Variants in NRG1 observed in about 807,000 individuals in gnomAD.
The protein encoded by NRG1 is neuregulin 1.
A neutral mutation model predicts 63.8 loss-of-function variants in NRG1; 18 were observed. The observed-to-expected ratio is 0.28, with a 90% CI of 0.19 to 0.42. The LOEUF (loss-of-function observed/expected upper bound fraction) is 0.42. Among genes scored for constraint, NRG1 ranks in the 10% least tolerant of loss-of-function variants. The pLI is 1.00. For synonymous variants in NRG1, 302 were observed against 301.3 expected (o/e 1.00, Z -0.02); for missense variants, 762 against 814.7 (o/e 0.94, Z 0.79).
At chr8:31,728,954 C>T (rs1425408019) in intron 1 of NRG1, among the ~76,000 whole-genome samples, 1 of 152,142 alleles carries the variant, frequency 6.6e-6, no homozygotes, top group African/African-American at 2.4e-5. Flanking sequence ...CTGTAAATTC[C>T]ATGTTGACTC....
chr8:32,726,458 G>A (rs915283542), intron 5 of NRG1, among the ~76,000 whole-genome samples: 3 of 152,068 alleles, frequency 2.0e-5, no homozygotes, highest in Non-Finnish European at 4.4e-5. Context: ...AAGCCAGTAG[G>A]AGACAAGACT....
intron 1 of NRG1, among the ~76,000 whole-genome samples, chr8:32,231,368 G>A (rs562439364): frequency 6.6e-6 from 1 of 152,056 alleles, no homozygotes; most frequent in African/African-American, 2.4e-5. Context: ...AGAAATGCAT[G>A]TATTTTGTTA....
chr8:32,396,736 C>T (rs1036801231), intron 1 of NRG1, among the ~76,000 whole-genome samples: 2 of 152,212 alleles, frequency 1.3e-5, no homozygotes, highest in Admixed American at 1.3e-4. Flanking sequence ...GCATGAGCCA[C>T]TGTGCCTGGC....
chr8:32,425,341 A>G (rs1024310646), intron 1 of NRG1, among the ~76,000 whole-genome samples: 2 of 152,126 alleles, frequency 1.3e-5, no homozygotes, highest in African/African-American at 4.8e-5. Context: ...ATCTCTCCAT[A>G]TTGATTTTTT....
At chr8:31,765,184 C>T (rs1817938779) in intron 1 of NRG1, among the ~76,000 whole-genome samples, 1 of 151,994 alleles carries the variant, frequency 6.6e-6, no homozygotes, top group Non-Finnish European at 1.5e-5. Flanking sequence ...TATCTTGTAT[C>T]TTGCAACCTT....
intron 1 of NRG1, among the ~76,000 whole-genome samples, chr8:31,802,283 A>G (rs1455606434): frequency 1.3e-5 from 2 of 152,256 alleles, no homozygotes; most frequent in East Asian, 3.9e-4. Context: ...TTCTGACTTT[A>G]CTTCATGCTA....
intron 1 of NRG1, among the ~76,000 whole-genome samples, chr8:32,512,456 A>C (rs1416423022): frequency 2.0e-5 from 3 of 152,206 alleles, no homozygotes; most frequent in Admixed American, 1.3e-4. Flanking sequence ...ATTACTACTT[A>C]TACCTTTGTT....
chr8:32,503,846 A>G (rs2129497501), intron 1 of NRG1, among the ~76,000 whole-genome samples: 1 of 152,200 alleles, frequency 6.6e-6, no homozygotes, highest in East Asian at 1.9e-4. Context: ...GACTTGAGAG[A>G]TCAGGTGCAC....
At chr8:32,015,359 T>C (rs1035413689) in intron 1 of NRG1, among the ~76,000 whole-genome samples, 1 of 152,196 alleles carries the variant, frequency 6.6e-6, no homozygotes, top group Non-Finnish European at 1.5e-5. Context: ...GCTTGTCTCT[T>C]AGTTTCCTGG....
chr8:32,270,560 A>C (rs1320496802), intron 1 of NRG1, among the ~76,000 whole-genome samples: 1 of 152,242 alleles, frequency 6.6e-6, no homozygotes, highest in Non-Finnish European at 1.5e-5. Flanking sequence ...TTCACTTCTA[A>C]AAATGGACAT....
chr8:31,981,292 A>T lies in NRG1; in HGVS notation c.37+341861A>T, dbSNP rs376474235. Among the ~76,000 whole-genome samples, 19 of 152,138 alleles carry T rather than the reference A, an allele frequency of 1.2e-4. No homozygotes were observed. In the East Asian group the frequency reaches 1.4e-3, roughly 11 times the overall value. Reference sequence around the variant, plus strand: ...ATGTATTTGAAAGTATATTCTTGGTAAACAACTTAGGAACTGCCTCTTGTT... The same window carrying T: ...ATGTATTTGAAAGTATATTCTTGGTTAACAACTTAGGAACTGCCTCTTGTT... On this transcript the variant is annotated intron_variant, in intron 1 of 10. Transcript: ENST00000519301.
chr8:31,852,315 A>T (rs1827323564), intron 1 of NRG1, among the ~76,000 whole-genome samples: 1 of 149,778 alleles, frequency 6.7e-6, no homozygotes, highest in South Asian at 2.1e-4. Context: ...CTGGTGTGAG[A>T]TGGTATCTCA....
At chr8:31,723,278 G>A (rs963891527) in intron 1 of NRG1, among the ~76,000 whole-genome samples, 2 of 152,114 alleles carry the variant, frequency 1.3e-5, no homozygotes, top group African/African-American at 2.4e-5. Context: ...TTAACCAGGG[G>A]TAGGTAAAGA....
At chr8:32,175,885 A>T (rs1249300997) in intron 1 of NRG1, among the ~76,000 whole-genome samples, 2 of 152,238 alleles carry the variant, frequency 1.3e-5, no homozygotes, top group Non-Finnish European at 2.9e-5. Context: ...AAGAATCAAT[A>T]TTATGAAAAT....
intron 1 of NRG1, among the ~76,000 whole-genome samples, chr8:32,557,015 G>T (rs1301505974): frequency 6.6e-6 from 1 of 151,394 alleles, no homozygotes; most frequent in Non-Finnish European, 1.5e-5. Context: ...TTGGTTTTTG[G>T]TTTTTTTTGA....
At chr8:31,657,370 G>A (rs934811980) in intron 1 of NRG1, among the ~76,000 whole-genome samples, 1 of 152,154 alleles carries the variant, frequency 6.6e-6, no homozygotes, top group Middle Eastern at 3.2e-3. Flanking sequence ...TTACCTGCGG[G>A]CTCCTCCCTC....
At chr8:32,516,776 A>G (rs979672041) in intron 1 of NRG1, among the ~76,000 whole-genome samples, 2 of 152,184 alleles carry the variant, frequency 1.3e-5, no homozygotes, top group African/African-American at 4.8e-5. Context: ...AAAATGTTCC[A>G]TTAGCTAAAA....
At chr8:32,242,641 T>G (rs1439034491) in intron 1 of NRG1, among the ~76,000 whole-genome samples, 1 of 152,142 alleles carries the variant, frequency 6.6e-6, no homozygotes, top group Non-Finnish European at 1.5e-5. Context: ...AAAACCACAA[T>G]TATTTTGCAC....
At chr8:32,251,710 G>A (rs1849127478) in intron 1 of NRG1, among the ~76,000 whole-genome samples, 1 of 152,138 alleles carries the variant, frequency 6.6e-6, no homozygotes, top group African/African-American at 2.4e-5. Flanking sequence ...ATCTTCTCTA[G>A]CATCTTGTTT....
Sources: allele counts gnomAD v4.1 joint callset (sites outside exome capture counted in the v4.1 genomes callset), GRCh38; gene constraint gnomAD v4.1.1; transcripts MANE v1.5; gene names NCBI Gene and HGNC (gene_info 2026-07-23, HGNC 2026-07-21).